Variants in ZNF438 observed in about 807,000 individuals in gnomAD.
The protein encoded by ZNF438 is zinc finger protein 438.
A neutral mutation model predicts 38.0 loss-of-function variants in ZNF438; 25 were observed. The observed-to-expected ratio is 0.66, with a 90% CI of 0.48 to 0.92. The LOEUF is 0.92. Ranked by LOEUF, ZNF438 falls within the 40% of genes least tolerant of loss-of-function variation. The probability of loss-of-function intolerance (pLI) is 0.00; values close to 1 mark genes in which losing one functional copy is unlikely to be tolerated. For missense variants in ZNF438, 1,007 were observed against 999.6 expected (o/e 1.01, Z -0.10); for synonymous variants, 372 against 364.1 (o/e 1.02, Z -0.25).
intron 2 of ZNF438, among the ~76,000 whole-genome samples, chr10:30,927,158 G>A (rs770007070): frequency 6.6e-6 from 1 of 152,146 alleles, no homozygotes; most frequent in South Asian, 2.1e-4. Flanking sequence ...GATCCACACA[G>A]TCACTCCAAT....
chr10:30,985,966 T>C (rs1037887808), intron 1 of ZNF438, among the ~76,000 whole-genome samples: 4 of 152,212 alleles, frequency 2.6e-5, no homozygotes. Context: ...TCAAGCTATA[T>C]TTTCACTGTA....
intron 3 of ZNF438, among the ~76,000 whole-genome samples, chr10:30,899,506 T>C (rs2041744047): frequency 6.6e-6 from 1 of 152,124 alleles, no homozygotes; most frequent in Non-Finnish European, 1.5e-5. Context: ...CACAAGTAAC[T>C]TCCAAAATGG....
At chr10:30,864,354 C>T (rs375716711) in intron 4 of ZNF438, among the ~76,000 whole-genome samples, 2 of 152,172 alleles carry the variant, frequency 1.3e-5, no homozygotes, top group African/African-American at 2.4e-5. Context: ...CCTTGTGCCT[C>T]GGGGATACTG....
At chr10:30,907,060 C>T (rs1040512335) in intron 3 of ZNF438, among the ~76,000 whole-genome samples, 3 of 152,188 alleles carry the variant, frequency 2.0e-5, no homozygotes, top group East Asian at 1.9e-4. Flanking sequence ...CTGCAACCTC[C>T]GTCTCCTGGG....
At chr10:30,880,454 G>T (rs377627652) in intron 3 of ZNF438, among the ~76,000 whole-genome samples, 1 of 141,468 alleles carries the variant, frequency 7.1e-6, no homozygotes, top group African/African-American at 2.6e-5. Context: ...AAAAGAAAAA[G>T]AAAAAAACAA....
intron 1 of ZNF438, among the ~76,000 whole-genome samples, chr10:31,023,747 C>T (rs903521152): frequency 1.3e-5 from 2 of 152,194 alleles, no homozygotes; most frequent in Admixed American, 6.5e-5. Flanking sequence ...TCCACTTAAG[C>T]ACTTTGCCAA....
chr10:30,909,294 TG>T (rs1471647589), intron 2 of ZNF438, among the ~76,000 whole-genome samples: 1 of 152,192 alleles, frequency 6.6e-6, no homozygotes. Context: ...GCTTAACTTT[TG>T]TTTCTGATTA....
At chr10:30,957,664 A>G (rs1216371368) in intron 1 of ZNF438, among the ~76,000 whole-genome samples, 2 of 152,110 alleles carry the variant, frequency 1.3e-5, no homozygotes, top group Non-Finnish European at 2.9e-5. Context: ...CTGGCTGTAA[A>G]TACATGGATT....
intron 1 of ZNF438, among the ~76,000 whole-genome samples, chr10:31,003,007 A>C (rs771428362): frequency 1.3e-5 from 2 of 152,146 alleles, no homozygotes; most frequent in Non-Finnish European, 2.9e-5. Flanking sequence ...CCTATTACAG[A>C]AGGCAGTTTT....
intron 1 of ZNF438, among the ~76,000 whole-genome samples, chr10:30,989,538 T>C (rs2053240912): frequency 6.6e-6 from 1 of 152,218 alleles, no homozygotes; most frequent in African/African-American, 2.4e-5. Context: ...TTGTATCCCC[T>C]TTCTAGCAGT....
At chr10:30,924,603 G>C (rs140914267) in intron 2 of ZNF438, among the ~76,000 whole-genome samples, 248 of 152,300 alleles carry the variant, frequency 1.6e-3, no homozygotes, top group African/African-American at 5.9e-3. Flanking sequence ...TGGGATAATT[G>C]GGTGGGTTTC....
chr10:30,943,947 G>A (rs1457061440), intron 1 of ZNF438, among the ~76,000 whole-genome samples: 1 of 152,120 alleles, frequency 6.6e-6, no homozygotes, highest in Non-Finnish European at 1.5e-5. Flanking sequence ...AGGGAAAAGA[G>A]TTATGAGAGA....
intron 4 of ZNF438, among the ~76,000 whole-genome samples, chr10:30,864,068 G>A (rs1033681011): frequency 3.3e-5 from 5 of 152,098 alleles, no homozygotes; most frequent in Admixed American, 6.5e-5. Flanking sequence ...TCTTGCCAAT[G>A]TTTTTTGACA....
At chr10:30,987,312 CCT>C (rs1215063657) in intron 1 of ZNF438, among the ~76,000 whole-genome samples, 17 of 137,260 alleles carry the variant, frequency 1.2e-4, no homozygotes, top group East Asian at 2.1e-4. Context: ...AGAGTACACC[CCT>C]GTCTCAAAAA....
At chr10:31,009,521 A>C (rs1263190488) in intron 1 of ZNF438, among the ~76,000 whole-genome samples, 5 of 152,200 alleles carry the variant, frequency 3.3e-5, no homozygotes, top group Non-Finnish European at 7.3e-5. Flanking sequence ...AAAAAATACT[A>C]AGTATTATAT....
intron 1 of ZNF438, among the ~76,000 whole-genome samples, chr10:31,010,432 T>C (rs1300867304): frequency 6.6e-6 from 1 of 152,200 alleles, no homozygotes; most frequent in Non-Finnish European, 1.5e-5. Flanking sequence ...CAAATAATCC[T>C]GGGAAGACTA....
At chr10:30,848,489 A>G in intron 5 of ZNF438, 42 bp downstream of exon 6, 2 of 1,563,932 alleles carry the variant, frequency 1.3e-6, no homozygotes, top group Non-Finnish European at 1.7e-6. Flanking sequence ...CCCCAAATCA[A>G]AACAGACTCT....
intron 3 of ZNF438, among the ~76,000 whole-genome samples, chr10:30,901,316 C>T (rs2041952132): frequency 6.6e-6 from 1 of 152,172 alleles, no homozygotes. Flanking sequence ...GCCAATGTGG[C>T]TTTGTGTCCG....
intron 1 of ZNF438, among the ~76,000 whole-genome samples, chr10:30,960,458 G>A (rs1478536927): frequency 6.8e-6 from 1 of 146,902 alleles, no homozygotes; most frequent in Non-Finnish European, 1.5e-5. Context: ...TATTGTTATT[G>A]TGAGGAAGTT....
Sources: allele counts gnomAD v4.1 joint callset (sites outside exome capture counted in the v4.1 genomes callset), GRCh38; gene constraint gnomAD v4.1.1; transcripts MANE v1.5; gene names NCBI Gene and HGNC (gene_info 2026-07-23, HGNC 2026-07-21).